Variants in NTRK2 observed in about 807,000 individuals in gnomAD.
The protein encoded by NTRK2 is BDNF/NT-3 growth factors receptor.
A neutral mutation model predicts 94.5 loss-of-function variants in NTRK2; 13 were observed. The observed-to-expected ratio is 0.14, with a 90% CI of 0.09 to 0.22. The LOEUF (loss-of-function observed/expected upper bound fraction) is 0.22, where lower values mean the gene tolerates loss of function less well. Ranked by LOEUF, NTRK2 falls within the 10% of genes least tolerant of loss-of-function variation. The pLI is 1.00. For synonymous variants in NTRK2, 372 were observed against 407.4 expected, an observed-to-expected ratio of 0.91 and a Z score of 1.05; for missense variants, 639 against 1,071.2, an observed-to-expected ratio of 0.60 and a Z score of 5.63.
At chr9:84,820,525 A>G (rs539844981) in intron 12 of NTRK2, among the ~76,000 whole-genome samples, 1 of 152,292 alleles carries the variant, frequency 6.6e-6, no homozygotes, top group East Asian at 1.9e-4. Flanking sequence ...TGGTTAATAC[A>G]TAGACTAGTA....
intron 2 of NTRK2, among the ~76,000 whole-genome samples, chr9:84,673,008 G>T (rs1285240215): frequency 1.3e-5 from 2 of 152,152 alleles, no homozygotes; most frequent in African/African-American, 4.8e-5. Context: ...AACCTCTTGG[G>T]GTTGTGGGAT....
chr9:84,950,074 C>T (rs1181385211), intron 16 of NTRK2, among the ~76,000 whole-genome samples: 2 of 152,220 alleles, frequency 1.3e-5, no homozygotes, highest in Non-Finnish European at 2.9e-5. Flanking sequence ...TTTAGCTGTT[C>T]TGATGAGAAT....
chr9:84,718,533 T>C (rs1263757319), intron 6 of NTRK2, among the ~76,000 whole-genome samples: 1 of 152,176 alleles, frequency 6.6e-6, no homozygotes, highest in East Asian at 1.9e-4. Flanking sequence ...ACATCCTTCC[T>C]GAAGGAATCC....
intron 15 of NTRK2, among the ~76,000 whole-genome samples, chr9:84,943,086 T>C (rs1218705310): frequency 2.0e-5 from 3 of 152,268 alleles, no homozygotes; most frequent in Non-Finnish European, 4.4e-5. Context: ...CTATATTTTG[T>C]CTTTCACCTT....
In NTRK2 at chr9:84,782,896, T is replaced by C. The variant is rs2067737073; in HGVS notation, c.1396+30811T>C. On this transcript the variant is annotated intron_variant, in intron 12 of 18. Transcript: ENST00000277120. ...TTCATCAAGTCACGATGCTTAATCT[T>C]ATGTTATCCGTGGCTTATGTCCTGA... 1.3e-5 allele frequency among the ~76,000 whole-genome samples: 2 copies of C among 152,186 alleles called. 1 individual carries two copies. Among genetic ancestry groups the C allele is most frequent in the South Asian group, 4.1e-4 (2 of 4,824 alleles).
At chr9:84,977,333 T>A (rs543499538) in intron 17 of NTRK2, among the ~76,000 whole-genome samples, 1 of 152,332 alleles carries the variant, frequency 6.6e-6, no homozygotes, top group East Asian at 1.9e-4. Flanking sequence ...GACAGAACTT[T>A]AGTGCTAAGT....
intron 11 of NTRK2, among the ~76,000 whole-genome samples, chr9:84,749,254 C>G (rs1353039573): frequency 6.6e-6 from 1 of 151,922 alleles, no homozygotes; most frequent in African/African-American, 2.4e-5. Context: ...TATACTCAAA[C>G]ATTTGCAGAA....
chr9:84,724,326 G>A lies in NTRK2; in HGVS notation c.823G>A (p.Asp275Asn), dbSNP rs1403591514. The change falls in exon 8 of 19, where the codon GAT (aspartate) becomes AAT (asparagine). Residue 275 changes from aspartate to asparagine, a missense_variant. Physicochemically the swap from Asp to Asn is conservative, Grantham distance 23. This residue lies in a region of NTRK2 where 343 missense variants were observed against 571.5 expected (regional missense o/e 0.60). Transcript: ENST00000277120. The stretch of plus-strand genomic sequence containing the variant: ...TGTGGCGGAAAATCTTGTAGGAGAA[G>A]ATCAAGATTCTGTCAACCTCACTGT... Reference protein sequence around the residue: ...SCVAENLVGEDQDSVNLTVHF... With the variant: ...SCVAENLVGENQDSVNLTVHF... The A allele has an allele frequency of 3.1e-6, 5 of 1,614,138 alleles. No homozygotes were observed. The East Asian group carries it at 1.1e-4, about 36-fold the overall frequency.
intron 17 of NTRK2, among the ~76,000 whole-genome samples, chr9:84,964,717 C>T (rs537714908): frequency 2.6e-5 from 4 of 152,340 alleles, no homozygotes; most frequent in South Asian, 2.1e-4. Flanking sequence ...GTTTGTTTCT[C>T]ATCTCTCAGA....
At chr9:84,943,370 A>G (rs888132204) in intron 15 of NTRK2, among the ~76,000 whole-genome samples, 5 of 152,130 alleles carry the variant, frequency 3.3e-5, no homozygotes, top group African/African-American at 9.7e-5. Flanking sequence ...TTGCTCTTCT[A>G]TTTCACCAGC....
chr9:84,674,936 C>T (rs770365137), intron 2 of NTRK2, among the ~76,000 whole-genome samples: 1 of 152,144 alleles, frequency 6.6e-6, no homozygotes, highest in Non-Finnish European at 1.5e-5. Context: ...TTTTTTTCTT[C>T]TCTGAAAAGT....
chr9:84,681,866 A>G (rs985782635), intron 2 of NTRK2, among the ~76,000 whole-genome samples: 4 of 152,188 alleles, frequency 2.6e-5, no homozygotes, highest in Non-Finnish European at 4.4e-5. Context: ...CTATATTGCT[A>G]TATAAAGAGG....
At chr9:84,698,058 T>C (rs1024823992) in intron 2 of NTRK2, among the ~76,000 whole-genome samples, 1 of 152,182 alleles carries the variant, frequency 6.6e-6, no homozygotes, top group African/African-American at 2.4e-5. Flanking sequence ...TAGTTGAATA[T>C]TTTTAAGCTA....
intron 13 of NTRK2, among the ~76,000 whole-genome samples, chr9:84,864,472 A>G: frequency 6.6e-6 from 1 of 152,176 alleles, no homozygotes; most frequent in East Asian, 1.9e-4. Context: ...GTAACCAAAC[A>G]TCACCTGTTC....
chr9:84,886,946 GA>G (rs879878363), intron 14 of NTRK2, among the ~76,000 whole-genome samples: 7 of 152,228 alleles, frequency 4.6e-5, no homozygotes, highest in Non-Finnish European at 8.8e-5. Context: ...TCAGGCTGAT[GA>G]AGGAGTAAAA....
intron 12 of NTRK2, among the ~76,000 whole-genome samples, chr9:84,760,351 G>A (rs1442149782): frequency 6.6e-6 from 1 of 152,120 alleles, no homozygotes; most frequent in Non-Finnish European, 1.5e-5. Context: ...TTATGTTTTA[G>A]TAATACATTA....
chr9:84,821,032 A>G (rs1287815621), intron 12 of NTRK2, among the ~76,000 whole-genome samples: 1 of 152,054 alleles, frequency 6.6e-6, no homozygotes, highest in East Asian at 1.9e-4. Context: ...TCTGCTCTTC[A>G]TTTTGGTGGC....
At position 84,708,308 on chromosome 9, in the gene NTRK2, G is replaced by A. The variant is rs547665977; in HGVS notation, c.428+396G>A. On this transcript the variant is annotated intron_variant, in intron 5 of 18. Coordinates refer to ENST00000277120, the MANE Select transcript of NTRK2 (RefSeq NM_006180.6). The stretch of plus-strand genomic sequence containing the variant: ...AAAGTCAAGCAAACCCATTCAAGGA[G>A]GAAATAAAAATGGGCAAAACTCTGC... Among the ~76,000 whole-genome samples the A allele has an allele frequency of 1.4e-4, 21 of 152,214 alleles. No individual in the cohort carries two copies. In the South Asian group the frequency reaches 4.2e-3, roughly 30 times the overall value.
At chr9:84,749,954 G>C (rs191653735) in intron 11 of NTRK2, among the ~76,000 whole-genome samples, 1 of 152,268 alleles carries the variant, frequency 6.6e-6, no homozygotes, top group East Asian at 1.9e-4. Flanking sequence ...GCTTCATTTC[G>C]TGTATTGGCT....
Sources: gnomAD v4.1 joint callset for allele counts (sites outside exome capture counted in the v4.1 genomes callset) on GRCh38, gnomAD v4.1.1 for gene constraint, gnomAD v4.1.1 regional missense constraint, MANE v1.5 for transcripts, NCBI Gene and HGNC (gene_info 2026-07-23, HGNC 2026-07-21) for gene names.